The following RASEF variants were observed in gnomAD, a reference collection of about 807,000 sequenced individuals.
The protein encoded by RASEF is ras and EF-hand domain-containing protein.
In RASEF, 68 loss-of-function variants were observed where a neutral mutation model predicts 90.1. The observed-to-expected ratio is 0.75, with a 90% CI of 0.62 to 0.92. The LOEUF (loss-of-function observed/expected upper bound fraction) is 0.92. RASEF is among the 40% of genes least tolerant of loss of function. The probability of loss-of-function intolerance (pLI) is 0.00; values close to 1 mark genes in which losing one functional copy is unlikely to be tolerated. For missense variants in RASEF, 949 were observed against 937.2 expected (o/e 1.01, Z -0.16); for synonymous variants, 331 against 345.2 (o/e 0.96, Z 0.46).
chr9:83,135,461 T>C, the RASEF span, among the ~76,000 whole-genome samples: 1 of 152,104 alleles, frequency 6.6e-6, no homozygotes, highest in African/African-American at 2.4e-5. Context: ...ACCTGCACGT[T>C]GCGCACATGT....
At chr9:83,004,716 G>A (rs1019774186) in intron 8 of RASEF, 130 bp from the exon 9 acceptor site, 1 of 612,376 alleles carries the variant, frequency 1.6e-6, no homozygotes, top group African/African-American at 1.8e-5. Flanking sequence ...GTAACTAAAA[G>A]TTTGTTACAC....
chr9:83,129,127 C>T, the RASEF span, among the ~76,000 whole-genome samples: 9,870 of 152,186 alleles, frequency 0.065, 531 homozygotes, highest in African/African-American at 0.15. Context: ...GCCTTTGGGG[C>T]CAAAATGGTT....
At chr9:83,159,310 A>T in the RASEF span, among the ~76,000 whole-genome samples, 1 of 152,226 alleles carries the variant, frequency 6.6e-6, no homozygotes, top group Non-Finnish European at 1.5e-5. Flanking sequence ...ATTAACCTTA[A>T]ATGTTCTACA....
At position 82,982,435 on chromosome 9, in the gene RASEF, T is replaced by C. The variant is rs1467552412; in HGVS notation, c.*242A>G. Reference sequence around the variant, plus strand: ...CCATTTTAAAAACATTTACATGTTATCTTTTAAGACCTGTAAGGACATGAC... The same window carrying C: ...CCATTTTAAAAACATTTACATGTTACCTTTTAAGACCTGTAAGGACATGAC... On this transcript the variant is annotated 3_prime_UTR_variant, in exon 17 of 17. Transcript: ENST00000376447. 3.3e-6 allele frequency: 1 copy of C among 305,976 alleles called. No individual in the cohort carries two copies. Among genetic ancestry groups the C allele is most frequent in the Non-Finnish European group, 6.1e-6 (1 of 164,796 alleles). The allele number at this position is 305,976 out of a possible 1,614,324, so 19.0% of individuals were successfully genotyped here.
chr9:83,196,415 T>C, the RASEF span, among the ~76,000 whole-genome samples: 1 of 152,120 alleles, frequency 6.6e-6, no homozygotes, highest in Non-Finnish European at 1.5e-5. Flanking sequence ...AAAGGAACTA[T>C]GACTTCTCTG....
At chr9:83,079,730 T>C in the RASEF span, among the ~76,000 whole-genome samples, 16 of 151,778 alleles carry the variant, frequency 1.1e-4, no homozygotes, top group Non-Finnish European at 2.4e-4. Flanking sequence ...CTTAACAAAT[T>C]GTATGTCTAA....
the RASEF span, among the ~76,000 whole-genome samples, chr9:83,160,412 T>G: frequency 6.6e-6 from 1 of 152,150 alleles, no homozygotes; most frequent in Non-Finnish European, 1.5e-5. Flanking sequence ...ACTGGTAGCA[T>G]TTTGCCCCTG....
At chr9:83,146,323 A>T in the RASEF span, among the ~76,000 whole-genome samples, 1 of 152,002 alleles carries the variant, frequency 6.6e-6, no homozygotes, top group Non-Finnish European at 1.5e-5. Flanking sequence ...GAACTAAAAA[A>T]GTGTGATTCT....
At chr9:83,179,239 A>G in the RASEF span, among the ~76,000 whole-genome samples, 2 of 152,212 alleles carry the variant, frequency 1.3e-5, no homozygotes, top group African/African-American at 4.8e-5. Context: ...TCTGTATACC[A>G]CTAAAAGCTT....
chr9:83,075,998 C>T, the RASEF span, among the ~76,000 whole-genome samples: 43 of 151,886 alleles, frequency 2.8e-4, no homozygotes, highest in East Asian at 2.3e-3. Flanking sequence ...TGAAACCCCG[C>T]CTCTACTAAA....
At chr9:83,078,829 G>C in the RASEF span, among the ~76,000 whole-genome samples, 2 of 152,112 alleles carry the variant, frequency 1.3e-5, no homozygotes, top group African/African-American at 2.4e-5. Context: ...TAATATGCTT[G>C]TTGGCCACAT....
rs1828839544 is a variant in RASEF, at chr9:82,992,901, C to G, written c.2040+5G>C. 2 of 1,613,548 alleles carry G rather than the reference C, an allele frequency of 1.2e-6. No homozygotes were observed. Among genetic ancestry groups the G allele is most frequent in the Non-Finnish European group, 8.5e-7 (1 of 1,179,706 alleles). The stretch of plus-strand genomic sequence containing the variant: ...CTTCTAATTCTGAGGCATCCTCACT[C>G]TTACCATGGCCAGTTTCTCTCCAAA... On this transcript the variant is annotated splice_donor_5th_base_variant and intron_variant, in intron 15 of 16. Transcript: ENST00000376447.
chr9:83,130,988 G>A, the RASEF span, among the ~76,000 whole-genome samples: 1 of 152,166 alleles, frequency 6.6e-6, no homozygotes, highest in Non-Finnish European at 1.5e-5. Flanking sequence ...TCAGGTTCTG[G>A]TTTTAGCTCT....
chr9:83,196,861 G>T, the RASEF span, among the ~76,000 whole-genome samples: 1 of 152,210 alleles, frequency 6.6e-6, no homozygotes, highest in Non-Finnish European at 1.5e-5. Context: ...GAAGCTAACT[G>T]CAGACATGAA....
At chr9:83,179,501 C>G in the RASEF span, among the ~76,000 whole-genome samples, 2 of 152,020 alleles carry the variant, frequency 1.3e-5, no homozygotes, top group Admixed American at 6.6e-5. Context: ...AAAAGGAAAG[C>G]CTTTAGTATC....
intron 7 of RASEF, among the ~76,000 whole-genome samples, chr9:83,005,896 C>A (rs1267580001): frequency 5.3e-5 from 8 of 152,248 alleles, no homozygotes; most frequent in Non-Finnish European, 1.2e-4. Flanking sequence ...AGGCTTCATG[C>A]TCCTGGCAGC....
chr9:83,048,264 A>AT, intron 1 of RASEF: 1 of 985,374 alleles, frequency 1.0e-6, no homozygotes, highest in Non-Finnish European at 1.2e-6. Context: ...TTTTGGCACA[A>AT]TTCAACCTTG....
chr9:83,022,061 C>T (rs1347413490), intron 3 of RASEF, among the ~76,000 whole-genome samples: 1 of 152,118 alleles, frequency 6.6e-6, no homozygotes, highest in African/African-American at 2.4e-5. Flanking sequence ...TTACCCCCAA[C>T]CTAAGCAGCC....
chr9:83,081,094 C>A, the RASEF span, among the ~76,000 whole-genome samples: 5 of 152,134 alleles, frequency 3.3e-5, no homozygotes, highest in Admixed American at 3.3e-4. Context: ...GATCCTCAGG[C>A]AGGTGCTATC....
Sources: allele counts gnomAD v4.1 joint callset (sites outside exome capture counted in the v4.1 genomes callset), GRCh38; gene constraint gnomAD v4.1.1; transcripts MANE v1.5; gene names NCBI Gene and HGNC (gene_info 2026-07-23, HGNC 2026-07-21).